OSBP2: variants seen among roughly 807,000 people sequenced by gnomAD.
The protein encoded by OSBP2 is oxysterol binding protein 2, also known as oxysterol-binding protein 2.
A neutral mutation model predicts 96.0 loss-of-function variants in OSBP2; 66 were observed. The observed-to-expected ratio is 0.69, with a 90% CI of 0.56 to 0.84. OSBP2 has a LOEUF of 0.84. Among genes scored for constraint, OSBP2 ranks in the 40% least tolerant of loss-of-function variants. The pLI, the probability that OSBP2 is intolerant of heterozygous loss-of-function variation, is 0.00. For synonymous variants in OSBP2, 525 were observed against 520.9 expected, an observed-to-expected ratio of 1.01 and a Z score of -0.11; for missense variants, 1,038 against 1,222.7, an observed-to-expected ratio of 0.85 and a Z score of 2.25.
chr22:30,778,156 G>A (rs555456947), intron 2 of OSBP2, among the ~76,000 whole-genome samples: 15 of 119,086 alleles, frequency 1.3e-4, no homozygotes, highest in African/African-American at 3.6e-4. Flanking sequence ...CAGCATGCCC[G>A]GCTAATTTTT....
intron 1 of OSBP2, among the ~76,000 whole-genome samples, chr22:30,708,478 ATTTTTTTTTTTTTTTTT>A (rs56361178): frequency 3.2e-5 from 2 of 63,458 alleles, no homozygotes; most frequent in African/African-American, 1.4e-4. Context: ...AAGGATAAGG[ATTTTTTTTTTTTTTTTT>A]TTTTTTTTTT....
intron 1 of OSBP2, among the ~76,000 whole-genome samples, chr22:30,699,846 C>G (rs1158313195): frequency 6.6e-6 from 1 of 151,932 alleles, no homozygotes; most frequent in East Asian, 1.9e-4. Context: ...TAAAAATGCT[C>G]TTTATAAATA....
chr22:30,711,218 A>G (rs1297957233), intron 1 of OSBP2, among the ~76,000 whole-genome samples: 3 of 151,824 alleles, frequency 2.0e-5, no homozygotes, highest in African/African-American at 7.3e-5. Flanking sequence ...AAATATATAT[A>G]TATATATTTA....
chr22:30,745,545 T>C (rs549575258), intron 2 of OSBP2, among the ~76,000 whole-genome samples: 1 of 151,554 alleles, frequency 6.6e-6, no homozygotes, highest in South Asian at 2.1e-4. Flanking sequence ...CAGACGCCTG[T>C]AATCCCAGCT....
intron 2 of OSBP2, among the ~76,000 whole-genome samples, chr22:30,861,549 A>G (rs2039211321): frequency 6.6e-6 from 1 of 151,922 alleles, no homozygotes; most frequent in Non-Finnish European, 1.5e-5. Context: ...TTCGTGATTT[A>G]TTATTTATTA....
chr22:30,694,081 CT>C (rs2088973877), upstream of OSBP2: 1 of 1,433,390 alleles, frequency 7.0e-7, no homozygotes, highest in South Asian at 1.2e-5. Context: ...AGGTAAACCT[CT>C]GCGGAAGCCT....
intron 6 of OSBP2, 115 bp from the exon 7 acceptor site, chr22:30,889,375 C>A: frequency 1.4e-6 from 2 of 1,434,356 alleles, no homozygotes; most frequent in South Asian, 1.2e-5. Context: ...CTTCCACCAG[C>A]AGCGTACCAG....
At chr22:30,751,577 A>T (rs368427718) in intron 2 of OSBP2, among the ~76,000 whole-genome samples, 1 of 152,012 alleles carries the variant, frequency 6.6e-6, no homozygotes, top group Non-Finnish European at 1.5e-5. Context: ...CTGGTCTCCA[A>T]TTCCTGACCT....
At chr22:30,868,893 A>G (rs2039403353) in intron 2 of OSBP2, among the ~76,000 whole-genome samples, 1 of 152,252 alleles carries the variant, frequency 6.6e-6, no homozygotes, top group East Asian at 1.9e-4. Context: ...CACAGTATGC[A>G]TTATTTTTCA....
chr22:30,781,972 C>A (rs2145809257), intron 2 of OSBP2, among the ~76,000 whole-genome samples: 1 of 152,222 alleles, frequency 6.6e-6, no homozygotes, highest in African/African-American at 2.4e-5. Context: ...CAGGGTGAAA[C>A]CCCATCTCTA....
chr22:30,840,305 TAAAA>T (rs71202016), intron 2 of OSBP2, among the ~76,000 whole-genome samples: 7,132 of 140,884 alleles, frequency 0.051, 577 homozygotes, highest in African/African-American at 0.17. Context: ...ATAAACCTGT[TAAAA>T]AAAAAAAGAA....
chr22:30,858,975 A>G (rs1234814418), intron 2 of OSBP2, among the ~76,000 whole-genome samples: 2 of 151,384 alleles, frequency 1.3e-5, no homozygotes, highest in Non-Finnish European at 2.9e-5. Context: ...CCTATTTAGT[A>G]CCTCCCACGC....
chr22:30,782,977 T>A (rs142107349), intron 2 of OSBP2, among the ~76,000 whole-genome samples: 1 of 152,060 alleles, frequency 6.6e-6, no homozygotes, highest in Non-Finnish European at 1.5e-5. Context: ...GCAATACTTA[T>A]TTTGCCTTTC....
At chr22:30,830,424 C>T (rs2038496774) in intron 2 of OSBP2, among the ~76,000 whole-genome samples, 1 of 152,230 alleles carries the variant, frequency 6.6e-6, no homozygotes, top group Non-Finnish European at 1.5e-5. Context: ...CCTGACCTGG[C>T]ATGGCCATCA....
chr22:30,762,707 C>T (rs2090221747), intron 2 of OSBP2, among the ~76,000 whole-genome samples: 1 of 152,206 alleles, frequency 6.6e-6, no homozygotes. Context: ...CCAGCCCCTT[C>T]CCACACCCTA....
intron 12 of OSBP2, chr22:30,902,297 A>C (rs1436892804): frequency 1.3e-6 from 2 of 1,591,346 alleles, no homozygotes; most frequent in Admixed American, 1.7e-5. Flanking sequence ...GGATCTCAGC[A>C]TAAGGAGTGT....
chr22:30,828,554 C>G (rs1358252345), intron 2 of OSBP2, among the ~76,000 whole-genome samples: 1 of 152,222 alleles, frequency 6.6e-6, no homozygotes, highest in African/African-American at 2.4e-5. Flanking sequence ...TGCAGGAGTC[C>G]ATGAGCTCTG....
At chr22:30,699,654 TA>T (rs1310533277) in intron 1 of OSBP2, among the ~76,000 whole-genome samples, 6 of 152,334 alleles carry the variant, frequency 3.9e-5, no homozygotes, top group African/African-American at 1.4e-4. Flanking sequence ...CCATTATTTT[TA>T]CCTTAATAGC....
At chr22:30,721,753 C>T (rs951133530) in intron 1 of OSBP2, among the ~76,000 whole-genome samples, 9 of 151,990 alleles carry the variant, frequency 5.9e-5, no homozygotes, top group East Asian at 1.9e-4. Flanking sequence ...TATTGTAATC[C>T]GAACATTTAA....
Sources: gnomAD v4.1 joint callset for allele counts (sites outside exome capture counted in the v4.1 genomes callset) on GRCh38, gnomAD v4.1.1 for gene constraint, MANE v1.5 for transcripts, NCBI Gene and HGNC (gene_info 2026-07-23, HGNC 2026-07-21) for gene names.